Variants in SBF2 observed in about 807,000 individuals in gnomAD.
The protein encoded by SBF2 is myotubularin-related protein 13.
A neutral mutation model predicts 225.2 loss-of-function variants in SBF2; 112 were observed. That is an observed-to-expected ratio of 0.50 (90% CI 0.43 to 0.58). SBF2 has a LOEUF of 0.58. Among genes scored for constraint, SBF2 ranks in the 20% least tolerant of loss-of-function variants. The pLI, the probability that SBF2 is intolerant of heterozygous loss-of-function variation, is 0.00. For missense variants in SBF2, 1,996 were observed against 2,206.2 expected (o/e 0.90, Z 1.91); for synonymous variants, 763 against 773.3 (o/e 0.99, Z 0.22).
intron 14 of SBF2, 79 bp downstream of exon 14, chr11:9,968,262 T>C: frequency 7.7e-7 from 1 of 1,298,048 alleles, no homozygotes; most frequent in South Asian, 1.2e-5. Context: ...TGAAAATTCA[T>C]CAAATTGCAC....
chr11:10,096,424 T>TAAAA (rs563258126), intron 2 of SBF2, among the ~76,000 whole-genome samples: 46,494 of 125,254 alleles, frequency 0.37, 8,683 homozygotes, highest in Non-Finnish European at 0.44. Context: ...CAAAGTTCTG[T>TAAAA]AAAAAAAAAA....
chr11:10,097,187 T>A (rs544170985), intron 2 of SBF2, among the ~76,000 whole-genome samples: 9 of 152,230 alleles, frequency 5.9e-5, no homozygotes, highest in Non-Finnish European at 1.0e-4. Context: ...TTTCGCCATT[T>A]GAGAACACAG....
chr11:10,056,944 C>A (rs112022101), intron 2 of SBF2, among the ~76,000 whole-genome samples: 1,905 of 151,990 alleles, frequency 0.013, 19 homozygotes, highest in Non-Finnish European at 0.018. Context: ...TTAAGCAGTT[C>A]CAATCCCGTT....
In SBF2 at chr11:9,829,343, T is replaced by C. The variant is rs1476689018; in HGVS notation, c.3793+13A>G. 4.3e-6 allele frequency: 7 copies of C among 1,613,724 alleles called. No individual in the cohort carries two copies. The highest frequency in any genetic ancestry group is 5.9e-6 in the Non-Finnish European group (7 of 1,179,820). ...TAGAAGCTGTCAAGAAGAAAAGTATTATCAAATCTTACCTGGAGATAGAGC... is the reference window on the plus strand; with the variant it reads ...TAGAAGCTGTCAAGAAGAAAAGTATCATCAAATCTTACCTGGAGATAGAGC... On this transcript the variant is annotated intron_variant, in intron 28 of 39. Coordinates refer to ENST00000256190, the MANE Select transcript of SBF2 (RefSeq NM_030962.4).
chr11:10,252,091 TTC>T (rs1261731393), intron 1 of SBF2, among the ~76,000 whole-genome samples: 1 of 152,254 alleles, frequency 6.6e-6, no homozygotes, highest in Non-Finnish European at 1.5e-5. Flanking sequence ...ACAGACCAGG[TTC>T]TGTTTGCCTC....
At chr11:10,211,061 T>C (rs1236428232) in intron 1 of SBF2, among the ~76,000 whole-genome samples, 1 of 138,564 alleles carries the variant, frequency 7.2e-6, no homozygotes, top group Non-Finnish European at 1.6e-5. Flanking sequence ...TCAATGTACA[T>C]GTGTTTTCAG....
At chr11:10,300,819 T>C (rs1404597266) in intron 1 of SBF2, among the ~76,000 whole-genome samples, 3 of 151,762 alleles carry the variant, frequency 2.0e-5, no homozygotes, top group African/African-American at 7.3e-5. Flanking sequence ...CTCTTTTTTT[T>C]TTTTTTTCTT....
At chr11:10,277,222 C>A (rs1416540419) in intron 1 of SBF2, among the ~76,000 whole-genome samples, 2 of 150,732 alleles carry the variant, frequency 1.3e-5, no homozygotes, top group Admixed American at 6.6e-5. Flanking sequence ...GAGTTTGAGA[C>A]CAGCCTAGGC....
chr11:9,983,426 C>A (rs1416841945), intron 13 of SBF2, among the ~76,000 whole-genome samples: 2 of 152,134 alleles, frequency 1.3e-5, no homozygotes, highest in Non-Finnish European at 2.9e-5. Context: ...TACATCAAGA[C>A]CCGCCCAAAG....
At chr11:10,071,964 G>A (rs572393069) in intron 2 of SBF2, among the ~76,000 whole-genome samples, 126 of 152,090 alleles carry the variant, frequency 8.3e-4, no homozygotes, top group Admixed American at 2.7e-3. Flanking sequence ...AGTTTTTGCC[G>A]CCCAACCCAA....
chr11:9,909,611 G>A (rs914937214), intron 16 of SBF2, among the ~76,000 whole-genome samples: 13 of 151,002 alleles, frequency 8.6e-5, no homozygotes, highest in African/African-American at 2.7e-4. Flanking sequence ...TGGAGCTTGC[G>A]GTGAGCCGAG....
At chr11:10,166,940 C>G (rs1955982145) in intron 2 of SBF2, among the ~76,000 whole-genome samples, 1 of 146,018 alleles carries the variant, frequency 6.8e-6, no homozygotes, top group Non-Finnish European at 1.5e-5. Context: ...CCAGCCTGGG[C>G]AACAGAGCAA....
chr11:10,205,376 T>C (rs1316338096), intron 1 of SBF2, among the ~76,000 whole-genome samples: 1 of 151,886 alleles, frequency 6.6e-6, no homozygotes, highest in Non-Finnish European at 1.5e-5. Context: ...TCTTCCCCAC[T>C]AAGTATAAGC....
chr11:10,050,744 A>T (rs1950030426), intron 2 of SBF2, among the ~76,000 whole-genome samples: 1 of 152,166 alleles, frequency 6.6e-6, no homozygotes, highest in Non-Finnish European at 1.5e-5. Context: ...CTAAGTGACT[A>T]ATGGGTGCAT....
At chr11:9,990,574 AC>A (rs1947384565) in intron 12 of SBF2, among the ~76,000 whole-genome samples, 1 of 152,180 alleles carries the variant, frequency 6.6e-6, no homozygotes, top group African/African-American at 2.4e-5. Flanking sequence ...TAGGCTCTTG[AC>A]TGATACATAC....
chr11:10,237,384 C>A (rs1399961749), intron 1 of SBF2, among the ~76,000 whole-genome samples: 6 of 152,002 alleles, frequency 3.9e-5, no homozygotes, highest in Non-Finnish European at 8.8e-5. Context: ...AAAACTGGAG[C>A]CAAATAAGGG....
At chr11:9,963,678 G>T (rs542454957) in intron 15 of SBF2, 95 bp downstream of exon 15, 2 of 693,046 alleles carry the variant, frequency 2.9e-6, no homozygotes, top group African/African-American at 3.6e-5. Context: ...TAGGAAAAGG[G>T]ATAGAATTAA....
At chr11:10,152,234 A>C (rs1314943982) in intron 2 of SBF2, among the ~76,000 whole-genome samples, 1 of 152,168 alleles carries the variant, frequency 6.6e-6, no homozygotes, top group Non-Finnish European at 1.5e-5. Flanking sequence ...TGAATTAAGG[A>C]AGGCATATTT....
intron 6 of SBF2, chr11:10,017,083 A>C (rs879769750): frequency 6.6e-5 from 10 of 152,230 alleles, no homozygotes; most frequent in African/African-American, 2.4e-4. Context: ...TGATTATTCA[A>C]AGAGTAAAAC....
Sources: gnomAD v4.1 joint callset for allele counts (sites outside exome capture counted in the v4.1 genomes callset) on GRCh38, gnomAD v4.1.1 for gene constraint, MANE v1.5 for transcripts, NCBI Gene and HGNC (gene_info 2026-07-23, HGNC 2026-07-21) for gene names.